KCNB2: variants seen among roughly 807,000 people sequenced by gnomAD.
KCNB2 encodes the protein potassium voltage-gated channel subfamily B member 2.
KCNB2 carries 15 observed loss-of-function variants against 61.5 expected under a neutral mutation model. The observed-to-expected ratio is 0.24, with a 90% CI of 0.16 to 0.38. KCNB2 has a LOEUF of 0.38. KCNB2 is among the 10% of genes least tolerant of loss of function. The pLI, the probability that KCNB2 is intolerant of heterozygous loss-of-function variation, is 1.00. For missense variants in KCNB2, 828 were observed against 1,125.2 expected (o/e 0.74, Z 3.78); for synonymous variants, 457 against 446.0 (o/e 1.02, Z -0.31).
At chr8:72,645,672 G>C (rs1341030439) in intron 2 of KCNB2, among the ~76,000 whole-genome samples, 3 of 152,118 alleles carry the variant, frequency 2.0e-5, no homozygotes, top group African/African-American at 7.2e-5. Flanking sequence ...AAAGTGCCTG[G>C]TGACCTCACA....
At chr8:72,816,860 C>T (rs576659320) in intron 2 of KCNB2, among the ~76,000 whole-genome samples, 5 of 152,248 alleles carry the variant, frequency 3.3e-5, no homozygotes, top group African/African-American at 9.6e-5. Flanking sequence ...TGACTCATCC[C>T]GAGGCCTCCA....
chr8:72,748,698 A>T (rs916944671), intron 2 of KCNB2, among the ~76,000 whole-genome samples: 5 of 150,470 alleles, frequency 3.3e-5, no homozygotes, highest in Admixed American at 6.6e-5. Context: ...GATTTTTTAA[A>T]TTTTATTTTT....
intron 2 of KCNB2, among the ~76,000 whole-genome samples, chr8:72,629,046 TGCAAGACA>T (rs985010924): frequency 2.0e-5 from 3 of 152,176 alleles, no homozygotes; most frequent in African/African-American, 7.2e-5. Flanking sequence ...AGGAAGTGAA[TGCAAGACA>T]GTGACACCAC....
At chr8:72,541,069 ATG>A (rs1179214813) in intron 1 of KCNB2, among the ~76,000 whole-genome samples, 2 of 151,920 alleles carry the variant, frequency 1.3e-5, no homozygotes, top group Non-Finnish European at 2.9e-5. Flanking sequence ...TTATACAGAA[ATG>A]CACTTAATAA....
chr8:72,727,918 G>A (rs1161764654), intron 2 of KCNB2, among the ~76,000 whole-genome samples: 3 of 152,040 alleles, frequency 2.0e-5, no homozygotes, highest in South Asian at 2.1e-4. Flanking sequence ...TTAGCAATAC[G>A]GCACATTTTT....
intron 2 of KCNB2, among the ~76,000 whole-genome samples, chr8:72,602,704 T>C (rs191769): frequency 0.84 from 128,468 of 152,116 alleles, 54,742 homozygotes; most frequent in East Asian, 0.96. Context: ...TTCAGTTGAC[T>C]TTCCACTGAA....
At chr8:72,901,913 C>T (rs1325302880) in intron 2 of KCNB2, among the ~76,000 whole-genome samples, 1 of 152,090 alleles carries the variant, frequency 6.6e-6, no homozygotes, top group Admixed American at 6.6e-5. Flanking sequence ...AAGTAGAAAA[C>T]AATGTCACCA....
intron 1 of KCNB2, among the ~76,000 whole-genome samples, chr8:72,543,420 T>C (rs911290224): frequency 6.6e-6 from 1 of 152,172 alleles, no homozygotes; most frequent in Non-Finnish European, 1.5e-5. Flanking sequence ...TTCAATTGAA[T>C]ATTGGTAACA....
At chr8:72,672,516 G>A (rs1200892388) in intron 2 of KCNB2, among the ~76,000 whole-genome samples, 2 of 152,074 alleles carry the variant, frequency 1.3e-5, no homozygotes, top group Admixed American at 1.3e-4. Context: ...AAGCCTTTGG[G>A]CAATTGTGAT....
At chr8:72,852,662 T>A (rs906950960) in intron 2 of KCNB2, among the ~76,000 whole-genome samples, 4 of 152,228 alleles carry the variant, frequency 2.6e-5, no homozygotes, top group African/African-American at 7.2e-5. Flanking sequence ...GATACTCCAA[T>A]AGAATCTGAT....
At chr8:72,911,458 T>A (rs188205269) in intron 2 of KCNB2, among the ~76,000 whole-genome samples, 1 of 152,328 alleles carries the variant, frequency 6.6e-6, no homozygotes, top group East Asian at 1.9e-4. Flanking sequence ...TCAAAGCCTT[T>A]CACCTGGAAA....
chr8:72,635,837 C>A (rs536038702), intron 2 of KCNB2, among the ~76,000 whole-genome samples: 4 of 152,178 alleles, frequency 2.6e-5, no homozygotes, highest in Non-Finnish European at 2.9e-5. Context: ...GTCTGCTCTG[C>A]GGCTTGGTGG....
chr8:72,935,204 G>A (rs1464813878), intron 2 of KCNB2, among the ~76,000 whole-genome samples: 2 of 152,150 alleles, frequency 1.3e-5, no homozygotes, highest in African/African-American at 4.8e-5. Flanking sequence ...ATTCTAAGCT[G>A]TTCCTCTTTC....
At chr8:72,797,326 T>C (rs1809047910) in intron 2 of KCNB2, among the ~76,000 whole-genome samples, 1 of 152,212 alleles carries the variant, frequency 6.6e-6, no homozygotes, top group Admixed American at 6.5e-5. Flanking sequence ...TTTTGTCACC[T>C]CAGAAACCAG....
chr8:72,647,851 A>G (rs370646370), intron 2 of KCNB2, among the ~76,000 whole-genome samples: 2 of 152,174 alleles, frequency 1.3e-5, no homozygotes, highest in South Asian at 2.1e-4. Context: ...TAACCTTCCT[A>G]ATGATTACAT....
At chr8:72,628,324 A>G (rs1433832191) in intron 2 of KCNB2, among the ~76,000 whole-genome samples, 2 of 150,894 alleles carry the variant, frequency 1.3e-5, no homozygotes, top group African/African-American at 2.4e-5. Flanking sequence ...ATTTTTAGGA[A>G]TGTGTGTGTA....
chr8:72,715,564 G>A (rs540552203), intron 2 of KCNB2, among the ~76,000 whole-genome samples: 1,923 of 152,194 alleles, frequency 0.013, 44 homozygotes, highest in African/African-American at 0.044. Context: ...AATGACTACT[G>A]GGTACCTAAC....
rs1388146111 is a variant in KCNB2 at position 72,561,761 on chromosome 8, GGATA to G, written c.-93-5880_-93-5877del. 3.4e-3 allele frequency among the ~76,000 whole-genome samples: 83 copies of G among 24,398 alleles called. 16 individuals are homozygous for G. The highest frequency in any genetic ancestry group is 0.036 in the Middle Eastern group (1 of 28). The allele number at this position is 24,398 out of a possible 152,430, so 16.0% of individuals were successfully genotyped here. A position where few individuals can be genotyped will look rare whatever the true frequency, so the allele number is the denominator to read the frequency against. ...TATATATATATGTATATATATATATGGATATATATATATATGGATATATATATAC... is the reference window on the plus strand; with the variant it reads ...TATATATATATGTATATATATATATGTATATATATATGGATATATATATAC... On this transcript the variant is annotated intron_variant, in intron 1 of 2. Transcript: ENST00000523207.
chr8:72,716,354 G>A (rs1807440045), intron 2 of KCNB2, among the ~76,000 whole-genome samples: 3 of 151,890 alleles, frequency 2.0e-5, no homozygotes, highest in South Asian at 2.1e-4. Context: ...GCAGAGACAC[G>A]ACAAAAAAAG....
Sources: gnomAD v4.1 joint callset for allele counts (sites outside exome capture counted in the v4.1 genomes callset) on GRCh38, gnomAD v4.1.1 for gene constraint, MANE v1.5 for transcripts, NCBI Gene and HGNC (gene_info 2026-07-23, HGNC 2026-07-21) for gene names.